SYN3: variants seen among roughly 807,000 people sequenced by gnomAD.
The protein encoded by SYN3 is synapsin-3.
In SYN3, 35 loss-of-function variants were observed where a neutral mutation model predicts 65.8. The observed-to-expected ratio is 0.53, with a 90% CI of 0.41 to 0.70. The LOEUF (loss-of-function observed/expected upper bound fraction) is 0.70, where lower values mean the gene tolerates loss of function less well. SYN3 is among the 30% of genes least tolerant of loss of function. The probability of loss-of-function intolerance (pLI) is 0.00; values close to 1 mark genes in which losing one functional copy is unlikely to be tolerated. For synonymous variants in SYN3, 270 were observed against 292.9 expected (o/e 0.92, Z 0.80); for missense variants, 680 against 749.0 (o/e 0.91, Z 1.08).
chr22:32,798,108 G>A (rs2046472397), intron 6 of SYN3, among the ~76,000 whole-genome samples: 1 of 152,052 alleles, frequency 6.6e-6, no homozygotes, highest in Non-Finnish European at 1.5e-5. Context: ...AATTTAGGAA[G>A]GGAAAAAAAT....
intron 6 of SYN3, among the ~76,000 whole-genome samples, chr22:32,725,116 C>CAAACA (rs1353001722): frequency 6.6e-6 from 1 of 152,104 alleles, no homozygotes; most frequent in East Asian, 1.9e-4. Flanking sequence ...GACTTTGTCT[C>CAAACA]AAACAAAACA....
chr22:32,969,500 G>A (rs904137967), intron 3 of SYN3, among the ~76,000 whole-genome samples: 11 of 152,018 alleles, frequency 7.2e-5, no homozygotes, highest in African/African-American at 2.7e-4. Context: ...CTATTTTTTT[G>A]CTTGCTATTA....
chr22:33,022,980 G>A (rs925021074), intron 1 of SYN3, among the ~76,000 whole-genome samples: 2 of 152,150 alleles, frequency 1.3e-5, no homozygotes, highest in South Asian at 2.1e-4. Flanking sequence ...CAGGACTGGG[G>A]CCCAAGCTTT....
At chr22:32,703,265 T>C (rs1453533403) in intron 6 of SYN3, among the ~76,000 whole-genome samples, 1 of 152,184 alleles carries the variant, frequency 6.6e-6, no homozygotes. Context: ...GGTCTAACAG[T>C]GACAATTCAC....
At chr22:33,032,413 G>A (rs1014098235) in intron 1 of SYN3, among the ~76,000 whole-genome samples, 1 of 151,852 alleles carries the variant, frequency 6.6e-6, no homozygotes, top group African/African-American at 2.4e-5. Context: ...GCTGAGGCAG[G>A]AGAATTGCTT....
intron 6 of SYN3, among the ~76,000 whole-genome samples, chr22:32,604,111 G>T (rs985677811): frequency 2.2e-4 from 33 of 152,200 alleles, no homozygotes; most frequent in African/African-American, 8.0e-4. Context: ...CTTTAGAGTG[G>T]CCCGGACAGC....
At position 32,807,516 on chromosome 22, in the gene SYN3, A is replaced by T. The variant is rs965962525; in HGVS notation, c.711+57399T>A. Reference sequence around the variant, plus strand: ...ATAGAGTGATTACTATGTGCCAGGCATTATTCTAAGTCATTAACTTACATT... The same window carrying T: ...ATAGAGTGATTACTATGTGCCAGGCTTTATTCTAAGTCATTAACTTACATT... On this transcript the variant is annotated intron_variant, in intron 6 of 13. Transcript: ENST00000358763. 3.4e-4 allele frequency among the ~76,000 whole-genome samples: 50 copies of T among 146,782 alleles called. 1 individual carries two copies. Among genetic ancestry groups the T allele is most frequent in the African/African-American group, 1.2e-3 (48 of 39,818 alleles).
chr22:32,560,470 C>T (rs546204192), intron 7 of SYN3, among the ~76,000 whole-genome samples: 4 of 152,136 alleles, frequency 2.6e-5, no homozygotes, highest in African/African-American at 7.2e-5. Flanking sequence ...AATAAGACGT[C>T]GTCGAGTAAA....
chr22:32,979,039 A>G (rs906671224), intron 3 of SYN3, among the ~76,000 whole-genome samples: 1 of 152,046 alleles, frequency 6.6e-6, no homozygotes, highest in South Asian at 2.1e-4. Context: ...AAAATAAAAA[A>G]TAAAAAAATT....
intron 6 of SYN3, among the ~76,000 whole-genome samples, chr22:32,740,654 T>G (rs2061393004): frequency 6.6e-6 from 1 of 152,094 alleles, no homozygotes; most frequent in Admixed American, 6.6e-5. Context: ...CTGGGGTCAA[T>G]GAGGAAAGAC....
intron 6 of SYN3, among the ~76,000 whole-genome samples, chr22:32,720,751 A>T (rs772064484): frequency 6.6e-6 from 1 of 152,192 alleles, no homozygotes; most frequent in Non-Finnish European, 1.5e-5. Flanking sequence ...TCTCAGTACA[A>T]GGAAACTGTT....
intron 6 of SYN3, among the ~76,000 whole-genome samples, chr22:32,792,167 T>C (rs2046336478): frequency 6.6e-6 from 1 of 152,194 alleles, no homozygotes; most frequent in African/African-American, 2.4e-5. Context: ...CTCTCCTCCC[T>C]TTTAGCACGA....
intron 6 of SYN3, among the ~76,000 whole-genome samples, chr22:32,749,296 G>GCCCCCCCCCCCC (rs58839126): frequency 6.8e-5 from 5 of 73,486 alleles, no homozygotes; most frequent in Admixed American, 1.7e-4. Flanking sequence ...ACCTCCCAAA[G>GCCCCCCCCCCCC]CCCCCCCCCC....
intron 2 of SYN3, among the ~76,000 whole-genome samples, chr22:32,997,608 T>C (rs896097702): frequency 6.6e-6 from 1 of 152,206 alleles, no homozygotes; most frequent in Non-Finnish European, 1.5e-5. Flanking sequence ...ACCAGTTCTC[T>C]GGATGGGGGA....
chr22:32,661,484 T>C (rs2060215872), intron 6 of SYN3, among the ~76,000 whole-genome samples: 1 of 152,248 alleles, frequency 6.6e-6, no homozygotes. Flanking sequence ...ATTCCAAAGC[T>C]CTTTTCTTTC....
At chr22:32,934,664 T>A (rs966783853) in intron 3 of SYN3, among the ~76,000 whole-genome samples, 1 of 152,224 alleles carries the variant, frequency 6.6e-6, no homozygotes, top group Non-Finnish European at 1.5e-5. Context: ...AAGACTCTCA[T>A]GAAAATTGTA....
At chr22:32,776,970 C>A (rs2045922331) in intron 6 of SYN3, among the ~76,000 whole-genome samples, 1 of 152,122 alleles carries the variant, frequency 6.6e-6, no homozygotes, top group Non-Finnish European at 1.5e-5. Flanking sequence ...TGTTACCACC[C>A]AGAACCACAA....
At chr22:33,055,841 T>C (rs17718633) in intron 1 of SYN3, among the ~76,000 whole-genome samples, 15,019 of 152,226 alleles carry the variant, frequency 0.099, 752 homozygotes, top group Middle Eastern at 0.13. Context: ...TCTCCTCTAA[T>C]AGACTGAGCT....
intron 4 of SYN3, among the ~76,000 whole-genome samples, chr22:32,899,619 G>T (rs573575112): frequency 6.6e-6 from 1 of 152,248 alleles, no homozygotes; most frequent in Admixed American, 6.5e-5. Context: ...AGGAAAAAGG[G>T]TTATTCTGCT....
Sources: allele counts gnomAD v4.1 joint callset (sites outside exome capture counted in the v4.1 genomes callset), GRCh38; gene constraint gnomAD v4.1.1; transcripts MANE v1.5; gene names NCBI Gene and HGNC (gene_info 2026-07-23, HGNC 2026-07-21).